The following CLEC6A variants were observed in gnomAD, a reference collection of about 807,000 sequenced individuals.
The protein encoded by CLEC6A is C-type lectin domain family 6 member A.
A neutral mutation model predicts 25.7 loss-of-function variants in CLEC6A; 22 were observed. The ratio of observed to expected loss-of-function variants is 0.85; its 90% CI spans 0.61 to 1.22. The LOEUF (loss-of-function observed/expected upper bound fraction) is 1.22. Among genes scored for constraint, CLEC6A ranks in the 50% most tolerant of loss-of-function variants. The pLI, the probability that CLEC6A is intolerant of heterozygous loss-of-function variation, is 0.00. For missense variants in CLEC6A, 240 were observed against 236.8 expected, an observed-to-expected ratio of 1.01 and a Z score of -0.09; for synonymous variants, 92 against 76.7, an observed-to-expected ratio of 1.20 and a Z score of -1.04.
intron 4 of CLEC6A, among the ~76,000 whole-genome samples, chr12:8,473,743 G>A (rs1168697158): frequency 6.6e-6 from 1 of 152,062 alleles, no homozygotes; most frequent in Non-Finnish European, 1.5e-5. Context: ...AGCATGTGCT[G>A]TTTTTGACTT....
chr12:8,456,224 C>G, intron 1 of CLEC6A, 82 bp downstream of exon 1: 1 of 1,373,668 alleles, frequency 7.3e-7, no homozygotes, highest in Non-Finnish European at 1.0e-6. Flanking sequence ...AGCCAAAGAA[C>G]AGATTGAAGA....
chr12:8,461,349 A>T (rs1014202660), intron 3 of CLEC6A: 1 of 451,986 alleles, frequency 2.2e-6, no homozygotes, highest in African/African-American at 2.0e-5. Flanking sequence ...CTTCTCACCT[A>T]TGTGGAACAC....
intron 4 of CLEC6A, among the ~76,000 whole-genome samples, chr12:8,467,173 G>A (rs1350764777): frequency 6.6e-6 from 1 of 151,960 alleles, no homozygotes; most frequent in Non-Finnish European, 1.5e-5. Context: ...TGTTTCCTTT[G>A]CTTTGTAGAA....
At chr12:8,465,404 T>A in intron 3 of CLEC6A, 80 bp from the exon 4 acceptor site, 1 of 1,364,262 alleles carries the variant, frequency 7.3e-7, no homozygotes, top group Non-Finnish European at 1.0e-6. Context: ...AGAAACTGTC[T>A]CTACAAAGCA....
intron 5 of CLEC6A, 128 bp from the exon 6 acceptor site, chr12:8,477,191 GA>G: frequency 1.4e-6 from 1 of 698,912 alleles, no homozygotes; most frequent in Non-Finnish European, 2.3e-6. Context: ...AGTAGTATGA[GA>G]AGAAGGAACA....
chr12:8,464,946 CT>C lies in CLEC6A; in HGVS notation c.224-537del, dbSNP rs777248242. On this transcript the variant is annotated intron_variant, in intron 3 of 5. Transcript: ENST00000382073. ...ATACATTTTATGTGATTAAGTCCCCCTGTGAGGTTGGCACTATTATTATTTC... is the reference window on the plus strand; with the variant it reads ...ATACATTTTATGTGATTAAGTCCCCCGTGAGGTTGGCACTATTATTATTTC... 1.4e-4 allele frequency among the ~76,000 whole-genome samples: 21 copies of C among 152,274 alleles called. 1 individual carries two copies. In the South Asian group the frequency reaches 3.7e-3, roughly 27 times the overall value.
chr12:8,456,062 A>G lies in CLEC6A; in HGVS notation c.-50A>G. ...GAGTCTCTGGGCAACATCTTTAGGG[A>G]GAGAGGTACAAAAGGTTCCTGGACC... On this transcript the variant is annotated 5_prime_UTR_variant, in exon 1 of 6. Coordinates refer to ENST00000382073, the MANE Select transcript of CLEC6A (RefSeq NM_001007033.2). 1 of 1,594,652 alleles carries G rather than the reference A, an allele frequency of 6.3e-7. No homozygotes were observed. Among genetic ancestry groups the G allele is most frequent in the Non-Finnish European group, 8.6e-7 (1 of 1,162,904 alleles).
intron 2 of CLEC6A, among the ~76,000 whole-genome samples, chr12:8,459,001 T>A (rs1363803909): frequency 6.6e-6 from 1 of 152,190 alleles, no homozygotes; most frequent in Non-Finnish European, 1.5e-5. Flanking sequence ...CCTTGGTGGT[T>A]ACTTAGCCCA....
At chr12:8,467,476 C>G (rs1287150870) in intron 4 of CLEC6A, among the ~76,000 whole-genome samples, 5 of 152,126 alleles carry the variant, frequency 3.3e-5, no homozygotes, top group African/African-American at 1.2e-4. Context: ...GGTATTGGCA[C>G]CTTGTTGGAG....
chr12:8,457,006 A>T (rs1390985946), intron 1 of CLEC6A, among the ~76,000 whole-genome samples: 1 of 151,922 alleles, frequency 6.6e-6, no homozygotes, highest in Non-Finnish European at 1.5e-5. Context: ...GCCACTCAGG[A>T]GGCTGAGGCA....
At chr12:8,462,104 A>G (rs1458609023) in intron 3 of CLEC6A, among the ~76,000 whole-genome samples, 1 of 152,204 alleles carries the variant, frequency 6.6e-6, no homozygotes, top group African/African-American at 2.4e-5. Flanking sequence ...GTGTCAACTC[A>G]GGGTTAAATG....
chr12:8,459,517 G>A, intron 2 of CLEC6A, 80 bp from the exon 3 acceptor site: 1 of 888,944 alleles, frequency 1.1e-6, no homozygotes, highest in Non-Finnish European at 1.9e-6. Flanking sequence ...TCAGAGGTAA[G>A]CCAGCACTGT....
Position 8,465,643 on chromosome 12 carries a change from T to C in CLEC6A, c.369+14T>C. 1 of 1,596,784 alleles carries C rather than the reference T, an allele frequency of 6.3e-7. No homozygotes were observed. Among genetic ancestry groups the C allele is most frequent in the Non-Finnish European group, 8.5e-7 (1 of 1,172,480 alleles). On this transcript the variant is annotated intron_variant, in intron 4 of 5. Coordinates refer to ENST00000382073, the MANE Select transcript of CLEC6A (RefSeq NM_001007033.2). Reference sequence around the variant, plus strand: ...GAAGCAGAGCAGGTACTGTTTCCATTTAAAATTTATTTAATTGTAGAGAAA... The same window carrying C: ...GAAGCAGAGCAGGTACTGTTTCCATCTAAAATTTATTTAATTGTAGAGAAA...
intron 3 of CLEC6A, among the ~76,000 whole-genome samples, chr12:8,460,456 T>C (rs1939737603): frequency 6.6e-6 from 1 of 152,170 alleles, no homozygotes; most frequent in African/African-American, 2.4e-5. Flanking sequence ...ACCCCCAAGA[T>C]TCAATTATCT....
In CLEC6A at chr12:8,476,481, T is replaced by G. The variant is rs759138181; in HGVS notation, c.485+241T>G. Among the ~76,000 whole-genome samples, 19 of 152,262 alleles carry G rather than the reference T, an allele frequency of 1.2e-4. No individual in the cohort carries two copies. The East Asian group carries it at 3.5e-3, about 28-fold the overall frequency. ...TAAACTAATAAGATGAGAAACTGGA[T>G]GTCAACTCCATGTCTATCTGATTCC... On this transcript the variant is annotated intron_variant, in intron 5 of 5. Coordinates refer to ENST00000382073, the MANE Select transcript of CLEC6A (RefSeq NM_001007033.2).
chr12:8,465,485 C>G lies in CLEC6A; in HGVS notation c.225C>G (p.Ala75=). The change falls in exon 4 of 6, where the codon GCC becomes GCG. Residue 75 remains alanine (A), a splice_region_variant and synonymous_variant. Transcript: ENST00000382073. ...TTTTTTCATGTAACACAAAAATAGC[C>G]TGGGGATGTTGCCCAGCTTCTTGGA... ...TCFSEGTKVP[A]WGCCPASWKS... 2 of 1,613,802 alleles carry G rather than the reference C, an allele frequency of 1.2e-6. No individual in the cohort carries two copies. Among genetic ancestry groups the G allele is most frequent in the Non-Finnish European group, 1.7e-6 (2 of 1,179,880 alleles).
chr12:8,477,233 C>T, intron 5 of CLEC6A, 87 bp from the exon 6 acceptor site: 1 of 1,038,326 alleles, frequency 9.6e-7, no homozygotes, highest in African/African-American at 1.6e-5. Context: ...TCCTAAATCC[C>T]ACTTTGTTCA....
intron 3 of CLEC6A, chr12:8,460,894 A>C: frequency 1.2e-6 from 1 of 869,074 alleles, no homozygotes; most frequent in Non-Finnish European, 2.0e-6. Context: ...TAACCAGCCA[A>C]AGTTTGCTCC....
chr12:8,471,795 A>G (rs1939909995), intron 4 of CLEC6A, among the ~76,000 whole-genome samples: 1 of 152,002 alleles, frequency 6.6e-6, no homozygotes, highest in South Asian at 2.1e-4. Context: ...TTTCCCAGAT[A>G]CAATTTTCTT....
Sources: gnomAD v4.1 joint callset for allele counts (sites outside exome capture counted in the v4.1 genomes callset) on GRCh38, gnomAD v4.1.1 for gene constraint, MANE v1.5 for transcripts, NCBI Gene and HGNC (gene_info 2026-07-23, HGNC 2026-07-21) for gene names.